Variants in TSHR observed in about 807,000 individuals in gnomAD.
TSHR encodes thyroid stimulating hormone receptor.
In TSHR, 51 loss-of-function variants were observed where a neutral mutation model predicts 64.1. The ratio of observed to expected loss-of-function variants is 0.80; its 90% confidence interval spans 0.64 to 1.01. The LOEUF is 1.01. Among genes scored for constraint, TSHR ranks in the 50% least tolerant of loss-of-function variants. TSHR has a pLI of 0.00. For synonymous variants in TSHR, 361 were observed against 361.9 expected (o/e 1.00, Z 0.03); for missense variants, 877 against 942.8 (o/e 0.93, Z 0.91).
intron 1 of TSHR, among the ~76,000 whole-genome samples, chr14:81,007,945 A>G (rs1034930742): frequency 6.6e-6 from 1 of 152,156 alleles, no homozygotes; most frequent in Non-Finnish European, 1.5e-5. Flanking sequence ...TTAATGATCT[A>G]CTTTTTTGCA....
At chr14:80,974,760 G>T (rs567073369) in intron 1 of TSHR, among the ~76,000 whole-genome samples, 2 of 152,134 alleles carry the variant, frequency 1.3e-5, no homozygotes, top group Non-Finnish European at 2.9e-5. Context: ...TGGCTTGGAG[G>T]GATTGTGCTT....
At chr14:81,101,657 C>A (rs1308947441) in intron 7 of TSHR, among the ~76,000 whole-genome samples, 2 of 152,158 alleles carry the variant, frequency 1.3e-5, no homozygotes, top group African/African-American at 2.4e-5. Flanking sequence ...AAGGTGGGAG[C>A]CAACCCTGAA....
intron 1 of TSHR, among the ~76,000 whole-genome samples, chr14:81,004,293 G>A (rs1889484570): frequency 6.6e-6 from 1 of 152,126 alleles, no homozygotes; most frequent in African/African-American, 2.4e-5. Context: ...CAAAGAAAAT[G>A]CTCCCAAGAA....
At chr14:81,087,740 G>T in intron 3 of TSHR, 1 of 604,562 alleles carries the variant, frequency 1.7e-6, no homozygotes, top group Non-Finnish European at 3.0e-6. Flanking sequence ...AGCCAACAAT[G>T]CAAAAGAGCT....
At chr14:81,130,251 A>T (rs72627196) in intron 8 of TSHR, among the ~76,000 whole-genome samples, 6,506 of 152,216 alleles carry the variant, frequency 0.043, 385 homozygotes, top group East Asian at 0.23. Context: ...TTTTGCAGCA[A>T]CTATCCCAAT....
chr14:81,093,396 T>C (rs1234548507), intron 6 of TSHR, among the ~76,000 whole-genome samples: 1 of 152,244 alleles, frequency 6.6e-6, no homozygotes, highest in African/African-American at 2.4e-5. Flanking sequence ...TCCTCTCTCA[T>C]TGTGTAAGTC....
intron 1 of TSHR, among the ~76,000 whole-genome samples, chr14:81,019,333 C>CAA (rs3038181): frequency 0.11 from 12,572 of 115,666 alleles, 1,847 homozygotes; most frequent in African/African-American, 0.35. Flanking sequence ...GACTTTATCT[C>CAA]AAAAAAAAAA....
intron 1 of TSHR, chr14:81,033,143 T>C: frequency 5.2e-6 from 2 of 385,736 alleles, no homozygotes. Context: ...TCTGATGTGC[T>C]ATGGAAACAC....
chr14:81,143,934 A>T lies in TSHR; in HGVS notation c.1876A>T (p.Met626Leu). Residue 626 changes from methionine (M) to leucine (L), a missense_variant, in exon 10 of 10, where the codon ATG (methionine) becomes TTG (leucine). Coordinates refer to ENST00000298171, the MANE Select transcript of TSHR (RefSeq NM_000369.5). ...GDKDTKIAKR[M>L]AVLIFTDFIC... Reference sequence around the variant, plus strand: ...CAAAGATACCAAAATTGCCAAGAGGATGGCTGTGTTGATCTTCACCGACTT... The same window carrying T: ...CAAAGATACCAAAATTGCCAAGAGGTTGGCTGTGTTGATCTTCACCGACTT... The T allele has an allele frequency of 6.2e-7, 1 of 1,614,236 alleles. No individual in the cohort carries two copies. The highest frequency in any genetic ancestry group is 2.2e-5 in the East Asian group (1 of 44,884).
At chr14:81,130,276 C>T (rs1041689340) in intron 8 of TSHR, among the ~76,000 whole-genome samples, 3 of 152,174 alleles carry the variant, frequency 2.0e-5, no homozygotes, top group African/African-American at 4.8e-5. Context: ...GTTATGCTCA[C>T]TCCAATCAGG....
rs181594597 is a variant in TSHR, at chr14:81,002,406, G to A, written c.170+46556G>A. Among the ~76,000 whole-genome samples, 206 of 152,202 alleles carry A rather than the reference G, an allele frequency of 1.4e-3. 1 individual carries two copies. The highest frequency in any genetic ancestry group is 4.5e-3 in the African/African-American group (187 of 41,548). Reference sequence around the variant, plus strand: ...GTTTACTTAACCCGTCTGTGCTTCAGTTTCCCCATTTGTAAAATAGGGATA... The same window carrying A: ...GTTTACTTAACCCGTCTGTGCTTCAATTTCCCCATTTGTAAAATAGGGATA... On this transcript the variant is annotated intron_variant, in intron 1 of 9. Transcript: ENST00000298171.
intron 1 of TSHR, among the ~76,000 whole-genome samples, chr14:80,971,645 G>A (rs530613566): frequency 6.6e-6 from 1 of 152,154 alleles, no homozygotes; most frequent in African/African-American, 2.4e-5. Context: ...GGGCAGATAG[G>A]TGAATTGAAA....
intron 2 of TSHR, among the ~76,000 whole-genome samples, chr14:81,062,612 C>G (rs1886325616): frequency 6.6e-6 from 1 of 152,116 alleles, no homozygotes; most frequent in Admixed American, 6.6e-5. Context: ...AATCACCTTT[C>G]ACTACTAATA....
Position 81,088,028 on chromosome 14 carries a change from TGTAA to T in TSHR, c.392+4_392+7del. 2 of 1,611,828 alleles carry T rather than the reference TGTAA, an allele frequency of 1.2e-6. No homozygotes were observed. The highest frequency in any genetic ancestry group is 1.7e-6 in the Non-Finnish European group (2 of 1,177,948). On this transcript the variant is annotated splice_donor_variant and splice_donor_region_variant and intron_variant, in intron 4 of 9. Transcript: ENST00000298171. LOFTEE classifies it high-confidence loss of function. The stretch of plus-strand genomic sequence containing the variant: ...AAAGAGCTCCCCCTCCTAAAGTTCC[TGTAA>T]GTATTAAATCCTCTCCCATCCTACT...
At chr14:81,014,001 G>T (rs1890054135) in intron 1 of TSHR, 1 of 152,308 alleles carries the variant, frequency 6.6e-6, no homozygotes, top group Admixed American at 6.5e-5. Context: ...GATTAAGACA[G>T]ATATACCTAT....
chr14:81,025,886 C>A (rs1313554478), intron 1 of TSHR, among the ~76,000 whole-genome samples: 1 of 152,066 alleles, frequency 6.6e-6, no homozygotes. Context: ...GAATTTGGAC[C>A]AGAGAGAGGC....
intron 1 of TSHR, among the ~76,000 whole-genome samples, chr14:81,037,340 T>G (rs1317812608): frequency 7.6e-6 from 1 of 131,170 alleles, no homozygotes. Flanking sequence ...AAAAAAAAAA[T>G]CAAAGTTTAT....
At chr14:81,004,294 C>T (rs1889484675) in intron 1 of TSHR, among the ~76,000 whole-genome samples, 1 of 152,148 alleles carries the variant, frequency 6.6e-6, no homozygotes, top group Non-Finnish European at 1.5e-5. Flanking sequence ...AAAGAAAATG[C>T]TCCCAAGAAG....
chr14:81,073,424 A>G (rs891303096), intron 3 of TSHR, among the ~76,000 whole-genome samples: 1 of 152,130 alleles, frequency 6.6e-6, no homozygotes, highest in Non-Finnish European at 1.5e-5. Context: ...CAGAGTATAT[A>G]TTCTTTTCAA....
Sources: allele counts gnomAD v4.1 joint callset (sites outside exome capture counted in the v4.1 genomes callset), GRCh38; gene constraint gnomAD v4.1.1; transcripts MANE v1.5; gene names NCBI Gene and HGNC (gene_info 2026-07-23, HGNC 2026-07-21).